The following RBM6 variants were observed in gnomAD, a reference collection of about 807,000 sequenced individuals.
RBM6 encodes the protein RNA binding motif protein 6, also known as RNA-binding protein 6.
A neutral mutation model predicts 140.4 loss-of-function variants in RBM6; 23 were observed. That is an observed-to-expected ratio of 0.16 (90% CI 0.12 to 0.23). The LOEUF is 0.23. RBM6 is among the 10% of genes least tolerant of loss of function. The pLI is 1.00. For synonymous variants in RBM6, 439 were observed against 475.6 expected (o/e 0.92, Z 1.00); for missense variants, 1,139 against 1,386.7 (o/e 0.82, Z 2.84).
At chr3:50,040,493 T>TAC (rs1553661202) in intron 6 of RBM6, among the ~76,000 whole-genome samples, 868 of 85,270 alleles carry the variant, frequency 0.01, 22 homozygotes, top group African/African-American at 0.028. Flanking sequence ...TATATATATA[T>TAC]ACACACACAC....
At chr3:49,955,002 G>T (rs1216003331) in intron 1 of RBM6, among the ~76,000 whole-genome samples, 1 of 151,688 alleles carries the variant, frequency 6.6e-6, no homozygotes, top group Non-Finnish European at 1.5e-5. Flanking sequence ...CTCGTGATCC[G>T]CCTGCCTAGG....
chr3:49,947,412 A>G (rs2083545331), intron 1 of RBM6, among the ~76,000 whole-genome samples: 2 of 152,172 alleles, frequency 1.3e-5, no homozygotes, highest in Admixed American at 6.6e-5. Flanking sequence ...CCTGGGTGAC[A>G]GAGTGGCCCA....
rs756504858 is a variant in RBM6, at chr3:49,999,468, G to A, written c.1512G>A (p.Glu504=). 30 of 1,613,834 alleles carry A rather than the reference G, an allele frequency of 1.9e-5. No individual in the cohort carries two copies. Among genetic ancestry groups the A allele is most frequent in the Non-Finnish European group, 2.5e-5 (30 of 1,179,946 alleles). ...TGYDYGYVCV[E]FSLLEDAIGC... The stretch of plus-strand genomic sequence containing the variant: ...ACGACTATGGCTATGTCTGCGTGGA[G>A]TTTTCACTCTTGGAAGATGCCATCG... Residue 504 remains glutamate (E), a synonymous_variant, in exon 6 of 21, where the codon GAG becomes GAA. Transcript: ENST00000266022.
intron 7 of RBM6, among the ~76,000 whole-genome samples, chr3:50,049,641 G>A (rs1396917987): frequency 6.6e-6 from 1 of 151,940 alleles, no homozygotes; most frequent in Admixed American, 6.6e-5. Context: ...ACAACTTGAA[G>A]AGCTATGATT....
chr3:49,968,798 T>TTTTTTTGGG (rs2084637228), intron 3 of RBM6, 50 bp downstream of exon 3: 1 of 1,320,210 alleles, frequency 7.6e-7, no homozygotes, highest in African/African-American at 1.7e-5. Flanking sequence ...TTTTTTTTTT[T>TTTTTTTGGG]GAGACGGAGT....
chr3:50,045,118 G>T (rs1242990277), intron 6 of RBM6, among the ~76,000 whole-genome samples: 1 of 152,152 alleles, frequency 6.6e-6, no homozygotes, highest in Non-Finnish European at 1.5e-5. Flanking sequence ...CATGCTGATG[G>T]GGACTCCTGG....
chr3:49,975,276 G>GTTTGA (rs1293441815), intron 4 of RBM6, 47 bp from the exon 5 acceptor site: 1 of 1,421,714 alleles, frequency 7.0e-7, no homozygotes, highest in African/African-American at 1.4e-5. Flanking sequence ...GATATTCAGT[G>GTTTGA]TTTGATTATG....
chr3:50,075,156 C>CAAAAA, intron 19 of RBM6, 45 bp from the exon 20 acceptor site: 1 of 1,409,946 alleles, frequency 7.1e-7, no homozygotes, highest in Non-Finnish European at 9.5e-7. Context: ...AACTCCGTCT[C>CAAAAA]AAAAAAAAAA....
intron 5 of RBM6, among the ~76,000 whole-genome samples, chr3:49,981,012 C>A (rs1226931110): frequency 1.3e-5 from 2 of 151,792 alleles, no homozygotes; most frequent in Non-Finnish European, 2.9e-5. Context: ...AAGCGATTCT[C>A]CTGCCTCAGC....
At chr3:49,956,053 C>T (rs1403883017) in intron 1 of RBM6, among the ~76,000 whole-genome samples, 1 of 146,152 alleles carries the variant, frequency 6.8e-6, no homozygotes, top group Admixed American at 7.0e-5. Flanking sequence ...GAGCATGAGA[C>T]TGTTGCCTAG....
Position 49,941,615 on chromosome 3 carries a change from G to A in RBM6, c.-67+1390G>A, listed in dbSNP as rs1301418899. On this transcript the variant is annotated intron_variant, in intron 1 of 20. Coordinates refer to ENST00000266022, the MANE Select transcript of RBM6 (RefSeq NM_005777.3). ...AGATTGCTCCATTGCACTCCAGCCTGGGCCACAAGAGTGAAACTCTGTCTC... is the reference window on the plus strand; with the variant it reads ...AGATTGCTCCATTGCACTCCAGCCTAGGCCACAAGAGTGAAACTCTGTCTC... 1.2e-4 allele frequency among the ~76,000 whole-genome samples: 15 copies of A among 128,542 alleles called. No homozygotes were observed. The Admixed American group carries it at 1.3e-3, about 11-fold the overall frequency. The allele number at this position is 128,542 out of a possible 152,430, so 84.3% of individuals were successfully genotyped here.
At position 49,967,910 on chromosome 3, in the gene RBM6, C is replaced by T. The variant is rs1385841200; in HGVS notation, c.485C>T (p.Ala162Val). ...AACTACAGAGACAGGGATGCTCACG[C>T]TGTTGACTTCAGAGGTAGGGATGCT... ...HMNYRDRDAH[A>V]VDFRGRDAPP... is the part of the protein sequence containing the mutation. Residue 162 changes from alanine (A) to valine (V), a missense_variant, in exon 3 of 21, where the codon GCT becomes GTT. Transcript: ENST00000266022. The surrounding 1 kb of genome is among the most constrained non-coding windows in gnomAD (Gnocchi z 4.0). The T allele has an allele frequency of 6.2e-7, 1 of 1,613,850 alleles. No homozygotes were observed. The highest frequency in any genetic ancestry group is 1.7e-5 in the Admixed American group (1 of 59,982).
In RBM6 at chr3:50,072,083, C is replaced by CAA. The variant is rs974465674; in HGVS notation, c.3116+1552_3116+1553dup. ...TGGGTGACAGAGCAAGACTCTGTCTCAAAAAAAAAAAAAAAAAAAAAAGAA... is the reference window on the plus strand; with the variant it reads ...TGGGTGACAGAGCAAGACTCTGTCTCAAAAAAAAAAAAAAAAAAAAAAAAGAA... On this transcript the variant is annotated intron_variant, in intron 19 of 20. Transcript: ENST00000266022. Among the ~76,000 whole-genome samples the CAA allele has an allele frequency of 2.0e-3, 83 of 41,332 alleles. 1 individual carries two copies. Among genetic ancestry groups the CAA allele is most frequent in the African/African-American group, 3.6e-3 (40 of 10,986 alleles). The allele number at this position is 41,332 out of a possible 152,430, so 27.1% of individuals were successfully genotyped here. A position where few individuals can be genotyped will look rare whatever the true frequency, so the allele number is the denominator to read the frequency against.
chr3:49,941,847 C>T (rs1367378578), intron 1 of RBM6, among the ~76,000 whole-genome samples: 1 of 150,724 alleles, frequency 6.6e-6, no homozygotes, highest in Admixed American at 6.6e-5. Flanking sequence ...GGATTACAGG[C>T]GTGAGCCACC....
intron 5 of RBM6, among the ~76,000 whole-genome samples, chr3:49,987,050 C>T (rs1168467017): frequency 6.6e-6 from 1 of 151,978 alleles, no homozygotes; most frequent in Non-Finnish European, 1.5e-5. Context: ...TCCCAAAATG[C>T]TGTGATTACA....
intron 6 of RBM6, among the ~76,000 whole-genome samples, chr3:50,021,302 TA>T (rs1197285251): frequency 1.2e-4 from 19 of 152,212 alleles, no homozygotes; most frequent in Non-Finnish European, 2.4e-4. Context: ...AATGGTTTTA[TA>T]ACTCTTTAAC....
At chr3:50,013,475 C>T (rs2086961918) in intron 6 of RBM6, among the ~76,000 whole-genome samples, 1 of 152,182 alleles carries the variant, frequency 6.6e-6, no homozygotes, top group South Asian at 2.1e-4. Context: ...TCAAGACCAT[C>T]CTGGCCTCGT....
At position 49,972,078 on chromosome 3, in the gene RBM6, G is replaced by T. The variant is rs773136602; in HGVS notation, c.1343G>T (p.Gly448Val). 16 of 1,612,180 alleles carry T rather than the reference G, an allele frequency of 9.9e-6. No individual in the cohort carries two copies. In the South Asian group the frequency reaches 1.8e-4, roughly 18 times the overall value. Residue 448 changes from glycine to valine, a missense_variant, in exon 4 of 21, where the codon GGC becomes GTC. Gly to Val is a moderately radical substitution (Grantham distance 109, BLOSUM62 -3). Around this residue, in one of 9 missense-constraint regions of RBM6, gnomAD observed 566 missense variants for 612.7 expected, o/e 0.92. Coordinates refer to ENST00000266022, the MANE Select transcript of RBM6 (RefSeq NM_005777.3). ...RDLQDQDYRTGPSEEKPSRLI... is the reference protein window; with the variant it reads ...RDLQDQDYRTVPSEEKPSRLI... Reference sequence around the variant, plus strand: ...TTTAAGGATCAAGATTATAGGACCGGCCCAAGTGAGGAGAAACCCAGCAGG... The same window carrying T: ...TTTAAGGATCAAGATTATAGGACCGTCCCAAGTGAGGAGAAACCCAGCAGG...
intron 7 of RBM6, among the ~76,000 whole-genome samples, chr3:50,052,510 G>A (rs2089510441): frequency 1.3e-5 from 2 of 152,134 alleles, no homozygotes; most frequent in South Asian, 4.1e-4. Context: ...TTTCCCCATT[G>A]GCACTTTCCC....
Sources: gnomAD v4.1 joint callset for allele counts (sites outside exome capture counted in the v4.1 genomes callset) on GRCh38, gnomAD v4.1.1 for gene constraint, gnomAD v4.1.1 regional missense constraint, Gnocchi (gnomAD v3.1) non-coding constraint, MANE v1.5 for transcripts, NCBI Gene and HGNC (gene_info 2026-07-23, HGNC 2026-07-21) for gene names.